The following GTF2B variants were observed in gnomAD, a reference collection of about 807,000 sequenced individuals.
GTF2B encodes the protein transcription initiation factor IIB.
In GTF2B, 20 loss-of-function variants were observed where a neutral mutation model predicts 34.6. The observed-to-expected ratio is 0.58, with a 90% confidence interval of 0.41 to 0.84. The LOEUF (loss-of-function observed/expected upper bound fraction) is 0.84. GTF2B is among the 40% of genes least tolerant of loss of function. The probability of loss-of-function intolerance (pLI) is 0.00; values close to 1 mark genes in which losing one functional copy is unlikely to be tolerated. For missense variants in GTF2B, 237 were observed against 393.3 expected (o/e 0.60, Z 3.36); for synonymous variants, 142 against 132.4 (o/e 1.07, Z -0.50).
chr1:88,858,233 T>C (rs987026396), intron 5 of GTF2B, among the ~76,000 whole-genome samples: 11 of 151,836 alleles, frequency 7.2e-5, no homozygotes, highest in Admixed American at 6.6e-5. Flanking sequence ...ACTCCTGACC[T>C]CGTGATCTAC....
At position 88,885,822 on chromosome 1, in the gene GTF2B, G is replaced by T. The variant is rs144525989; in HGVS notation, c.124+1439C>A. Among the ~76,000 whole-genome samples, 541 of 152,246 alleles carry T rather than the reference G, an allele frequency of 3.6e-3. 4 individuals carry two copies. The highest frequency in any genetic ancestry group is 0.012 in the African/African-American group (517 of 41,546). The stretch of plus-strand genomic sequence containing the variant: ...TCACATGTCCTAAAATATTATTTTT[G>T]ATTTTTTTTAACCATTTAAAAATGT... On this transcript the variant is annotated intron_variant, in intron 2 of 6. Coordinates refer to ENST00000370500, the MANE Select transcript of GTF2B (RefSeq NM_001514.6).
At chr1:88,886,105 AAACAT>A (rs1419478003) in intron 2 of GTF2B, among the ~76,000 whole-genome samples, 2 of 152,198 alleles carry the variant, frequency 1.3e-5, no homozygotes, top group African/African-American at 4.8e-5. Flanking sequence ...AGTATATAGT[AAACAT>A]ATTAGCTATT....
intron 2 of GTF2B, 75 bp from the exon 3 acceptor site, chr1:88,864,189 T>TA: frequency 7.5e-7 from 1 of 1,336,270 alleles, no homozygotes; most frequent in South Asian, 1.2e-5. Context: ...AATGCCCAAC[T>TA]AAGCCATTTT....
chr1:88,864,241 A>G, intron 2 of GTF2B, 127 bp from the exon 3 acceptor site: 1 of 742,428 alleles, frequency 1.3e-6, no homozygotes, highest in Non-Finnish European at 2.3e-6. Flanking sequence ...GACCAAGCTT[A>G]AATATCACAT....
chr1:88,876,345 C>T (rs144889029), intron 2 of GTF2B, among the ~76,000 whole-genome samples: 6 of 152,158 alleles, frequency 3.9e-5, no homozygotes, highest in Middle Eastern at 3.4e-3. Flanking sequence ...TGGCATCTCA[C>T]ACTTAGAATC....
chr1:88,888,439 A>G (rs1429469199), intron 1 of GTF2B, among the ~76,000 whole-genome samples: 1 of 152,200 alleles, frequency 6.6e-6, no homozygotes, highest in African/African-American at 2.4e-5. Flanking sequence ...GTATTACTTC[A>G]TATTTGTGTT....
chr1:88,872,421 C>T (rs979285974), intron 2 of GTF2B, among the ~76,000 whole-genome samples: 2 of 126,242 alleles, frequency 1.6e-5, no homozygotes, highest in African/African-American at 5.9e-5. Flanking sequence ...CATTGTACTC[C>T]AGCCTGGGCA....
intron 6 of GTF2B, 44 bp from the exon 7 acceptor site, chr1:88,853,390 C>A: frequency 6.4e-7 from 1 of 1,571,508 alleles, no homozygotes; most frequent in Non-Finnish European, 8.7e-7. Context: ...TTCCATCCTA[C>A]CTCCTTTCCA....
intron 2 of GTF2B, among the ~76,000 whole-genome samples, chr1:88,872,455 TAAAA>T (rs34668666): frequency 0.022 from 1,628 of 74,930 alleles, 17 homozygotes; most frequent in African/African-American, 0.071. Context: ...TCCATCTCAA[TAAAA>T]AAAAAAAAAA....
chr1:88,875,700 G>T (rs1467809978), intron 2 of GTF2B, among the ~76,000 whole-genome samples: 1 of 152,046 alleles, frequency 6.6e-6, no homozygotes, highest in Non-Finnish European at 1.5e-5. Context: ...CACCATACTC[G>T]GAAGATCTGT....
chr1:88,886,738 C>T (rs1034921168), intron 2 of GTF2B, among the ~76,000 whole-genome samples: 7 of 152,240 alleles, frequency 4.6e-5, no homozygotes, highest in South Asian at 2.1e-4. Flanking sequence ...GCTCCCACCC[C>T]ACATTATAAA....
At chr1:88,870,580 A>G (rs188977599) in intron 2 of GTF2B, among the ~76,000 whole-genome samples, 3 of 152,224 alleles carry the variant, frequency 2.0e-5, no homozygotes, top group Admixed American at 2.0e-4. Flanking sequence ...TAATTGCTAT[A>G]TTTTATATGC....
chr1:88,866,845 G>GC (rs1280762270), intron 2 of GTF2B, among the ~76,000 whole-genome samples: 1 of 152,202 alleles, frequency 6.6e-6, no homozygotes, highest in Non-Finnish European at 1.5e-5. Context: ...AGGAGAACAC[G>GC]CAAGGAAGGC....
chr1:88,857,346 T>C lies in GTF2B; in HGVS notation c.677A>G (p.Lys226Arg). The C allele has an allele frequency of 6.2e-7, 1 of 1,613,998 alleles. No homozygotes were observed. The highest frequency in any genetic ancestry group is 8.5e-7 in the Non-Finnish European group (1 of 1,179,898). Reference protein sequence around the residue: ...SRFCSNLCLPKQVQMAATHIA... With the variant: ...SRFCSNLCLPRQVQMAATHIA... Reference sequence around the variant, plus strand: ...ATGTGTAGCTGCCATCTGTACTTGTTTAGGAAGACAAAGGTTGGAACAGAA... The same window carrying C: ...ATGTGTAGCTGCCATCTGTACTTGTCTAGGAAGACAAAGGTTGGAACAGAA... Residue 226 changes from lysine (K) to arginine (R), a missense_variant, in exon 6 of 7, where the codon AAA becomes AGA. This residue lies in a region of GTF2B where 78 missense variants were observed against 116.6 expected (regional missense o/e 0.67). Transcript: ENST00000370500.
chr1:88,889,279 A>G (rs1388024100), intron 1 of GTF2B, among the ~76,000 whole-genome samples: 1 of 152,234 alleles, frequency 6.6e-6, no homozygotes, highest in Non-Finnish European at 1.5e-5. Context: ...TATCAAAATA[A>G]AAGTATGCTA....
chr1:88,853,019 T>C lies in GTF2B; in HGVS notation c.*194A>G, dbSNP rs1673225886. 2.0e-6 allele frequency: 1 copy of C among 501,394 alleles called. No individual in the cohort carries two copies. Among genetic ancestry groups the C allele is most frequent in the Non-Finnish European group, 3.5e-6 (1 of 283,992 alleles). 31.1% of individuals were successfully genotyped at this position (501,394 alleles called of 1,614,324 possible). A position where few individuals can be genotyped will look rare whatever the true frequency, so the allele number is the denominator to read the frequency against. ...TTTCCTAGATTGCTACAAAAGAAAT[T>C]TGATAAGAAATTTAAATCATTAAAT... On this transcript the variant is annotated 3_prime_UTR_variant, in exon 7 of 7. Coordinates refer to ENST00000370500, the MANE Select transcript of GTF2B (RefSeq NM_001514.6).
chr1:88,880,012 T>C (rs1349311484), intron 2 of GTF2B, among the ~76,000 whole-genome samples: 1 of 151,972 alleles, frequency 6.6e-6, no homozygotes, highest in Admixed American at 6.6e-5. Context: ...TGAGCAGAGA[T>C]TGTGCCACTG....
At chr1:88,886,057 AAAC>A (rs1674058789) in intron 2 of GTF2B, among the ~76,000 whole-genome samples, 1 of 152,216 alleles carries the variant, frequency 6.6e-6, no homozygotes, top group African/African-American at 2.4e-5. Context: ...TTGTGAGGAT[AAAC>A]TGAGTGAATA....
chr1:88,886,985 C>T (rs1274181735), intron 2 of GTF2B, among the ~76,000 whole-genome samples: 2 of 151,790 alleles, frequency 1.3e-5, no homozygotes, highest in African/African-American at 4.9e-5. Context: ...GTGGCACGAT[C>T]TCGGCTCACT....
Sources: gnomAD v4.1 joint callset for allele counts (sites outside exome capture counted in the v4.1 genomes callset) on GRCh38, gnomAD v4.1.1 for gene constraint, gnomAD v4.1.1 regional missense constraint, MANE v1.5 for transcripts, NCBI Gene and HGNC (gene_info 2026-07-23, HGNC 2026-07-21) for gene names.